Variants in ERLEC1 observed in about 807,000 individuals in gnomAD.
ERLEC1 encodes ER lectin.
In ERLEC1, 47 loss-of-function variants were observed where a neutral mutation model predicts 68.0. The ratio of observed to expected loss-of-function variants is 0.69; its 90% CI spans 0.55 to 0.88. The LOEUF is 0.88. Among genes scored for constraint, ERLEC1 ranks in the 40% least tolerant of loss-of-function variants. The pLI is 0.00. For missense variants in ERLEC1, 567 were observed against 583.8 expected (o/e 0.97, Z 0.30); for synonymous variants, 225 against 203.2 (o/e 1.11, Z -0.91).
At chr2:53,806,728 C>A (rs1676314064) in intron 8 of ERLEC1, among the ~76,000 whole-genome samples, 1 of 152,064 alleles carries the variant, frequency 6.6e-6, no homozygotes, top group Non-Finnish European at 1.5e-5. Context: ...ACGGTAACTG[C>A]AGCAAGTGAA....
At chr2:53,806,876 C>G (rs901452180) in intron 8 of ERLEC1, among the ~76,000 whole-genome samples, 4 of 151,960 alleles carry the variant, frequency 2.6e-5, no homozygotes, top group African/African-American at 9.7e-5. Context: ...CAGTCAATAC[C>G]CATTTAACCA....
intron 11 of ERLEC1, 124 bp downstream of exon 11, chr2:53,813,197 C>A: frequency 2.6e-6 from 3 of 1,147,516 alleles, no homozygotes; most frequent in Non-Finnish European, 3.7e-6. Context: ...CAAGGGATAT[C>A]TTTTAGGTTA....
At chr2:53,793,163 T>G (rs958627721) in intron 1 of ERLEC1, among the ~76,000 whole-genome samples, 5 of 152,204 alleles carry the variant, frequency 3.3e-5, no homozygotes, top group African/African-American at 1.2e-4. Flanking sequence ...ACATGTGTCA[T>G]AAAACACAAA....
chr2:53,794,198 T>G, intron 1 of ERLEC1, 147 bp from the exon 2 acceptor site: 1 of 512,800 alleles, frequency 2.0e-6, no homozygotes, highest in East Asian at 3.4e-5. Flanking sequence ...TGTTAATGTT[T>G]GTAGCATATT....
chr2:53,808,038 AG>A (rs1203247548), intron 8 of ERLEC1, among the ~76,000 whole-genome samples: 1 of 152,008 alleles, frequency 6.6e-6, no homozygotes, highest in African/African-American at 2.4e-5. Context: ...AAAAAAAAAA[AG>A]AATAATGAGA....
chr2:53,804,109 C>T (rs904208982), intron 8 of ERLEC1, among the ~76,000 whole-genome samples: 13 of 151,782 alleles, frequency 8.6e-5, no homozygotes, highest in Non-Finnish European at 1.6e-4. Flanking sequence ...CCAGCCTGGG[C>T]GACAAAGCGA....
intron 1 of ERLEC1, among the ~76,000 whole-genome samples, chr2:53,789,628 A>G (rs1573059057): frequency 6.6e-6 from 1 of 151,976 alleles, no homozygotes; most frequent in African/African-American, 2.4e-5. Flanking sequence ...CACAAGGCCT[A>G]TGTCCTTTAT....
At chr2:53,804,760 GT>G (rs918688679) in intron 8 of ERLEC1, among the ~76,000 whole-genome samples, 3 of 151,716 alleles carry the variant, frequency 2.0e-5, no homozygotes, top group East Asian at 1.9e-4. Context: ...ATTCTAAGAG[GT>G]TTTTTTTGTA....
chr2:53,808,603 G>T (rs1348743409), intron 9 of ERLEC1, 143 bp downstream of exon 9: 2 of 753,896 alleles, frequency 2.7e-6, no homozygotes, highest in Non-Finnish European at 4.3e-6. Flanking sequence ...TTTTCTTTTT[G>T]CAGTCTCATA....
intron 8 of ERLEC1, among the ~76,000 whole-genome samples, chr2:53,808,042 TA>T (rs1167388746): frequency 6.6e-6 from 1 of 150,698 alleles, no homozygotes; most frequent in African/African-American, 2.4e-5. Context: ...AAAAAAAGAA[TA>T]ATGAGACAAA....
chr2:53,815,014 TTTG>T, intron 13 of ERLEC1, 79 bp downstream of exon 13: 5 of 959,000 alleles, frequency 5.2e-6, no homozygotes, highest in Non-Finnish European at 6.1e-6. Flanking sequence ...TTTTTTTTTT[TTTG>T]TTTTTTTGAG....
At chr2:53,802,307 T>C (rs1676048724) in intron 8 of ERLEC1, among the ~76,000 whole-genome samples, 1 of 152,212 alleles carries the variant, frequency 6.6e-6, no homozygotes, top group African/African-American at 2.4e-5. Context: ...TCATCATTTT[T>C]TTCTCTTTCA....
At chr2:53,812,786 T>C (rs1245971965) in intron 10 of ERLEC1, among the ~76,000 whole-genome samples, 163 bp from the exon 11 acceptor site, 3 of 152,188 alleles carry the variant, frequency 2.0e-5, no homozygotes, top group African/African-American at 4.8e-5. Context: ...GAAGATAATG[T>C]GCTTAAATTT....
At chr2:53,798,207 A>C (rs1675821759) in intron 5 of ERLEC1, among the ~76,000 whole-genome samples, 1 of 152,090 alleles carries the variant, frequency 6.6e-6, no homozygotes, top group African/African-American at 2.4e-5. Context: ...AATAAAATAA[A>C]ATACTGAAAT....
chr2:53,796,591 C>G (rs1020568352), intron 3 of ERLEC1, among the ~76,000 whole-genome samples: 91 of 152,094 alleles, frequency 6.0e-4, no homozygotes, highest in African/African-American at 2.2e-3. Context: ...TCCCCAGTAG[C>G]TGAGCACCAC....
intron 9 of ERLEC1, 80 bp downstream of exon 9, chr2:53,808,540 G>A (rs1257582994): frequency 2.8e-6 from 4 of 1,411,006 alleles, no homozygotes; most frequent in Non-Finnish European, 3.9e-6. Context: ...CAGCAGCACT[G>A]AAAAGAATTT....
chr2:53,802,751 C>G (rs1424603168), intron 8 of ERLEC1, among the ~76,000 whole-genome samples: 1 of 152,080 alleles, frequency 6.6e-6, no homozygotes, highest in African/African-American at 2.4e-5. Context: ...CTTAAAAGTA[C>G]CGCGGAGTTT....
chr2:53,791,587 A>T (rs1236227547), intron 1 of ERLEC1, among the ~76,000 whole-genome samples: 1 of 152,140 alleles, frequency 6.6e-6, no homozygotes, highest in Non-Finnish European at 1.5e-5. Context: ...TAAGTGACTC[A>T]CTATTTCAGC....
chr2:53,814,510 G>C (rs1480814149), intron 11 of ERLEC1, 33 bp from the exon 12 acceptor site: 1 of 1,526,068 alleles, frequency 6.6e-7, no homozygotes, highest in African/African-American at 1.4e-5. Flanking sequence ...TGAGATTTTA[G>C]TTTAATAAAA....
Sources: gnomAD v4.1 joint callset for allele counts (sites outside exome capture counted in the v4.1 genomes callset) on GRCh38, gnomAD v4.1.1 for gene constraint, MANE v1.5 for transcripts, NCBI Gene and HGNC (gene_info 2026-07-23, HGNC 2026-07-21) for gene names.